The following EPS8 variants were observed in gnomAD, a reference collection of about 807,000 sequenced individuals.
EPS8 encodes the protein epidermal growth factor receptor kinase substrate 8.
A neutral mutation model predicts 103.8 loss-of-function variants in EPS8; 42 were observed. The observed-to-expected ratio is 0.40, with a 90% CI of 0.32 to 0.52. The LOEUF is 0.52. Among genes scored for constraint, EPS8 ranks in the 20% least tolerant of loss-of-function variants. The pLI is 0.40. For synonymous variants in EPS8, 344 were observed against 344.6 expected (o/e 1.00, Z 0.02); for missense variants, 969 against 1,005.1 (o/e 0.96, Z 0.49).
rs140347178 is a variant in EPS8, at chr12:15,701,345, A to G, written c.-21-18373T>C. Among the ~76,000 whole-genome samples the G allele has an allele frequency of 7.6e-4, 116 of 152,346 alleles. 1 individual carries two copies. The highest frequency in any genetic ancestry group is 2.6e-3 in the African/African-American group (110 of 41,574). On this transcript the variant is annotated intron_variant, in intron 1 of 20. Coordinates refer to ENST00000281172, the MANE Select transcript of EPS8 (RefSeq NM_004447.6). This position sits in a 1 kb window ranked among gnomAD's most constrained non-coding sequence, Gnocchi z 5.1. ...ACTGGGGCACAGAAGTGCCTTGCTC[A>G]GTATCACAGTTAGTACATGGTAAAG...
intron 2 of EPS8, 35 bp downstream of exon 2, chr12:15,682,858 C>T (rs553028637): frequency 2.7e-6 from 3 of 1,125,790 alleles, no homozygotes; most frequent in African/African-American, 1.6e-5. Context: ...ATCAAATTCC[C>T]CCAAAACATA....
At chr12:15,758,041 C>T (rs1380314183) in intron 1 of EPS8, among the ~76,000 whole-genome samples, 1 of 152,144 alleles carries the variant, frequency 6.6e-6, no homozygotes, top group Non-Finnish European at 1.5e-5. Context: ...ATCTTCACAC[C>T]GCCTAGGCTT....
At position 15,764,126 on chromosome 12, in the gene EPS8, G is replaced by A. The variant is rs576319336; in HGVS notation, c.-22+25035C>T. Among the ~76,000 whole-genome samples, 59 of 152,282 alleles carry A rather than the reference G, an allele frequency of 3.9e-4. No homozygotes were observed. The highest frequency in any genetic ancestry group is 1.3e-3 in the African/African-American group (54 of 41,554). On this transcript the variant is annotated intron_variant, in intron 1 of 20. Coordinates refer to ENST00000281172, the MANE Select transcript of EPS8 (RefSeq NM_004447.6). The surrounding 1 kb of genome is among the most constrained non-coding windows in gnomAD (Gnocchi z 4.1). ...AATCATGTCCAAAGGTGAAGGAGGA[G>A]CAAAGTAACATCTTACATGGTAGCA...
intron 1 of EPS8, among the ~76,000 whole-genome samples, chr12:15,774,091 C>T (rs1947182424): frequency 6.6e-6 from 1 of 151,694 alleles, no homozygotes; most frequent in South Asian, 2.1e-4. Context: ...CCAATATATT[C>T]AAATACTACC....
intron 2 of EPS8, 92 bp downstream of exon 2, chr12:15,682,801 C>T (rs755090640): frequency 9.5e-5 from 68 of 714,850 alleles, no homozygotes; most frequent in Non-Finnish European, 1.4e-4. Context: ...AACTACACAA[C>T]GAAAGTAATC....
intron 8 of EPS8, 75 bp from the exon 9 acceptor site, chr12:15,662,174 A>C: frequency 6.4e-7 from 1 of 1,563,660 alleles, no homozygotes; most frequent in Non-Finnish European, 8.8e-7. Context: ...AAACATAAAA[A>C]TTAGTTAAAA....
intron 18 of EPS8, among the ~76,000 whole-genome samples, chr12:15,624,957 C>T (rs924241456): frequency 9.2e-5 from 14 of 152,148 alleles, no homozygotes; most frequent in Non-Finnish European, 1.6e-4. Flanking sequence ...TCAGCCTCTC[C>T]TACAGCAGAG....
chr12:15,695,537 T>C lies in EPS8; in HGVS notation c.-21-12565A>G, dbSNP rs1325288885. Among the ~76,000 whole-genome samples the C allele has an allele frequency of 3.3e-5, 5 of 152,238 alleles. No individual in the cohort carries two copies. Among genetic ancestry groups the C allele is most frequent in the Admixed American group, 3.3e-4 (5 of 15,284 alleles). ...TAAGTTTTATTACATATAAATTAGT[T>C]TACATTTAAATGTTAATAACCACAT... On this transcript the variant is annotated intron_variant, in intron 1 of 20. Transcript: ENST00000281172. This position sits in a 1 kb window ranked among gnomAD's most constrained non-coding sequence, Gnocchi z 5.0.
Position 15,621,395 on chromosome 12 carries a change from C to G in EPS8, c.2391G>C (p.Met797Ile). 6.2e-7 allele frequency: 1 copy of G among 1,604,792 alleles called. No homozygotes were observed. Among genetic ancestry groups the G allele is most frequent in the Non-Finnish European group, 8.5e-7 (1 of 1,176,246 alleles). ...CACTGATTTTTTCCTGTCGTCTTCT[C>G]ATAATTTCTTGTAACTCGGAGCTGC... ...SSGSSELQEI[M>I]RRRQEKISAA... Residue 797 changes from methionine (M) to isoleucine (I), a missense_variant, in exon 21 of 21, where the codon ATG (methionine) becomes ATC (isoleucine). Met to Ile is a conservative substitution (Grantham distance 10, BLOSUM62 1). Coordinates refer to ENST00000281172, the MANE Select transcript of EPS8 (RefSeq NM_004447.6).
At chr12:15,709,418 C>T (rs1298218467) in intron 1 of EPS8, among the ~76,000 whole-genome samples, 1 of 152,058 alleles carries the variant, frequency 6.6e-6, no homozygotes, top group Non-Finnish European at 1.5e-5. Flanking sequence ...TTTCTAATTA[C>T]ACCACGTGTC....
At chr12:15,671,056 G>A in intron 3 of EPS8, 133 bp from the exon 4 acceptor site, 2 of 544,510 alleles carry the variant, frequency 3.7e-6, no homozygotes, top group Non-Finnish European at 6.5e-6. Context: ...GCCATTGTGT[G>A]GTGTATCTGA....
At chr12:15,649,516 C>T (rs1226923841) in intron 14 of EPS8, among the ~76,000 whole-genome samples, 1 of 151,836 alleles carries the variant, frequency 6.6e-6, no homozygotes, top group Admixed American at 6.6e-5. Flanking sequence ...GAAATACAGG[C>T]AGGGGTATAT....
In EPS8 at chr12:15,709,620, T is replaced by C. The variant is rs186562967; in HGVS notation, c.-21-26648A>G. On this transcript the variant is annotated intron_variant, in intron 1 of 20. Coordinates refer to ENST00000281172, the MANE Select transcript of EPS8 (RefSeq NM_004447.6). ...TTATGAATGGGCAAAGGGAGCCCAATTGGCTTTTAGAATCCAGGCTTTGAA... is the reference window on the plus strand; with the variant it reads ...TTATGAATGGGCAAAGGGAGCCCAACTGGCTTTTAGAATCCAGGCTTTGAA... 9.1e-4 allele frequency among the ~76,000 whole-genome samples: 139 copies of C among 152,324 alleles called. 1 individual carries two copies. Among genetic ancestry groups the C allele is most frequent in the African/African-American group, 2.1e-3 (89 of 41,574 alleles).
rs1947168228 is a variant in EPS8, at chr12:15,772,829, A to G, written c.-22+16332T>C. Among the ~76,000 whole-genome samples, 1 of 152,202 alleles carries G rather than the reference A, an allele frequency of 6.6e-6. No individual in the cohort carries two copies. Among genetic ancestry groups the G allele is most frequent in the African/African-American group, 2.4e-5 (1 of 41,456 alleles). On this transcript the variant is annotated intron_variant, in intron 1 of 20. Transcript: ENST00000281172. The surrounding 1 kb of genome is among the most constrained non-coding windows in gnomAD (Gnocchi z 5.0). ...AAACATACATTCATTCAGCAAATAG[A>G]CGGGTCTACAAAGTACCAGAAACCC...
intron 15 of EPS8, 132 bp from the exon 16 acceptor site, chr12:15,641,962 T>C: frequency 2.3e-6 from 1 of 429,446 alleles, no homozygotes; most frequent in Non-Finnish European, 4.1e-6. Flanking sequence ...TTTATTATAT[T>C]TTACATTATG....
rs949034739 is a variant in EPS8 at position 15,727,214 on chromosome 12, T to C, written c.-21-44242A>G. Among the ~76,000 whole-genome samples, 1 of 152,204 alleles carries C rather than the reference T, an allele frequency of 6.6e-6. No individual in the cohort carries two copies. Among genetic ancestry groups the C allele is most frequent in the Non-Finnish European group, 1.5e-5 (1 of 68,034 alleles). The stretch of plus-strand genomic sequence containing the variant: ...CTGGGCACCTGGGGTTCTGATTACT[T>C]CCCTCGTGGATTTAATATCTACCTT... On this transcript the variant is annotated intron_variant, in intron 1 of 20. Transcript: ENST00000281172. The surrounding 1 kb of genome is among the most constrained non-coding windows in gnomAD (Gnocchi z 4.3).
intron 18 of EPS8, among the ~76,000 whole-genome samples, chr12:15,630,597 G>A (rs1438878920): frequency 6.6e-6 from 1 of 152,156 alleles, no homozygotes; most frequent in Non-Finnish European, 1.5e-5. Flanking sequence ...TAAGTCACAT[G>A]AAATTTGAAT....
In EPS8 at chr12:15,736,942, T is replaced by C. The variant is rs976886277; in HGVS notation, c.-22+52219A>G. Among the ~76,000 whole-genome samples the C allele has an allele frequency of 1.1e-4, 16 of 152,266 alleles. No individual in the cohort carries two copies. Among genetic ancestry groups the C allele is most frequent in the South Asian group, 2.1e-4 (1 of 4,828 alleles). On this transcript the variant is annotated intron_variant, in intron 1 of 20. Coordinates refer to ENST00000281172, the MANE Select transcript of EPS8 (RefSeq NM_004447.6). The surrounding 1 kb of genome is among the most constrained non-coding windows in gnomAD (Gnocchi z 4.2). Reference sequence around the variant, plus strand: ...ATCCTAAATACTTAAAAAAATAAAATCTTCATATTTAAAGTAACATACTTT... The same window carrying C: ...ATCCTAAATACTTAAAAAAATAAAACCTTCATATTTAAAGTAACATACTTT...
At chr12:15,720,069 C>T (rs1946577982) in intron 1 of EPS8, among the ~76,000 whole-genome samples, 1 of 152,110 alleles carries the variant, frequency 6.6e-6, no homozygotes, top group Non-Finnish European at 1.5e-5. Context: ...ACTCATATCC[C>T]AACTCCATAC....
Sources: allele counts gnomAD v4.1 joint callset (sites outside exome capture counted in the v4.1 genomes callset), GRCh38; gene constraint gnomAD v4.1.1; non-coding constraint Gnocchi (gnomAD v3.1); transcripts MANE v1.5; gene names NCBI Gene and HGNC (gene_info 2026-07-23, HGNC 2026-07-21).